Variants in FAM20C observed in about 807,000 individuals in gnomAD.
FAM20C encodes the protein extracellular serine/threonine protein kinase FAM20C.
A neutral mutation model predicts 51.5 loss-of-function variants in FAM20C; 40 were observed. That is an observed-to-expected ratio of 0.78 (90% CI 0.60 to 1.01). The LOEUF is 1.01. FAM20C is among the 50% of genes least tolerant of loss of function. The probability of loss-of-function intolerance (pLI) is 0.00; values close to 1 mark genes in which losing one functional copy is unlikely to be tolerated. For synonymous variants in FAM20C, 406 were observed against 380.6 expected (o/e 1.07, Z -0.78); for missense variants, 861 against 844.7 (o/e 1.02, Z -0.24).
intron 3 of FAM20C, among the ~76,000 whole-genome samples, chr7:218,683 G>C: frequency 6.6e-6 from 1 of 152,200 alleles, no homozygotes; most frequent in East Asian, 1.9e-4. Flanking sequence ...CCATCCCAGG[G>C]CTCACTCAGC....
At chr7:214,413 G>A (rs149947731) in intron 3 of FAM20C, among the ~76,000 whole-genome samples, 4 of 152,290 alleles carry the variant, frequency 2.6e-5, no homozygotes, top group Non-Finnish European at 4.4e-5. Flanking sequence ...ATTTTAGGAC[G>A]TCCAATTTAG....
chr7:216,528 C>T (rs1167501770), intron 3 of FAM20C, among the ~76,000 whole-genome samples: 1 of 151,872 alleles, frequency 6.6e-6, no homozygotes, highest in Non-Finnish European at 1.5e-5. Context: ...AGCTGGGAGC[C>T]CTGGTCCTTG....
chr7:195,544 C>A lies in FAM20C; in HGVS notation c.606-10C>A. 1 of 1,543,782 alleles carries A rather than the reference C, an allele frequency of 6.5e-7. No homozygotes were observed. Among genetic ancestry groups the A allele is most frequent in the Non-Finnish European group, 8.8e-7 (1 of 1,139,884 alleles). ...TCCATGCTGATGTTCGTCCTCGCTGCTCCCTGCAGGCCGCATGCGGGTGCT... is the reference window on the plus strand; with the variant it reads ...TCCATGCTGATGTTCGTCCTCGCTGATCCCTGCAGGCCGCATGCGGGTGCT... On this transcript the variant is annotated splice_polypyrimidine_tract_variant and intron_variant, in intron 1 of 9. Coordinates refer to ENST00000313766, the MANE Select transcript of FAM20C (RefSeq NM_020223.4).
intron 3 of FAM20C, among the ~76,000 whole-genome samples, chr7:222,387 C>T (rs1036720762): frequency 6.6e-6 from 1 of 152,074 alleles, no homozygotes; most frequent in African/African-American, 2.4e-5. Context: ...TCACCGTCAG[C>T]CCCCACTGTG....
At chr7:194,911 G>C (rs1583272280) in intron 1 of FAM20C, among the ~76,000 whole-genome samples, 2 of 152,222 alleles carry the variant, frequency 1.3e-5, no homozygotes, top group South Asian at 4.1e-4. Flanking sequence ...CCCTCCTCCA[G>C]AACGGTCCCT....
rs545511933 is a variant in FAM20C at position 255,373 on chromosome 7, G to A, written c.1073-476G>A. On this transcript the variant is annotated intron_variant, in intron 5 of 9. Transcript: ENST00000313766. ...CTCATGCTTGTCGGCCATCAGGGTC[G>A]TCTTTGGAGAATCAGCTGTTCAAGC... Among the ~76,000 whole-genome samples, 5 of 152,294 alleles carry A rather than the reference G, an allele frequency of 3.3e-5. No homozygotes were observed. In the East Asian group the frequency reaches 5.8e-4, roughly 18 times the overall value.
Position 256,886 on chromosome 7 carries a change from G to A in FAM20C, c.1364-119G>A. The A allele has an allele frequency of 2.8e-6, 4 of 1,415,542 alleles. No homozygotes were observed. The Admixed American group carries it at 5.9e-5, about 21-fold the overall frequency. 87.7% of individuals were successfully genotyped at this position (1,415,542 alleles called of 1,614,324 possible). ...CTGCGGTCCTGTGGCCTGTGAAGGG[G>A]CCAGATTGCTTAGAGGTCACGCTGG... On this transcript the variant is annotated intron_variant, in intron 7 of 9. Coordinates refer to ENST00000313766, the MANE Select transcript of FAM20C (RefSeq NM_020223.4).
chr7:237,838 G>GAGA (rs1787894744), intron 3 of FAM20C, among the ~76,000 whole-genome samples: 1 of 294 alleles, frequency 3.4e-3, no homozygotes, highest in African/African-American at 0.013. Context: ...AATAGTGATA[G>GAGA]TGATGATGNN....
intron 2 of FAM20C, among the ~76,000 whole-genome samples, chr7:205,474 G>A (rs73251074): frequency 6.6e-6 from 1 of 152,114 alleles, no homozygotes. Flanking sequence ...ACTCGGCCTC[G>A]AGCAAGCCTC....
intron 3 of FAM20C, among the ~76,000 whole-genome samples, chr7:240,343 TGTTGATA>T (rs1319630175): frequency 0.42 from 563 of 1,336 alleles, 86 homozygotes; most frequent in South Asian, 0.65. Flanking sequence ...ATGATTATGA[TGTTGATA>T]AAGGATGATA....
intron 5 of FAM20C, among the ~76,000 whole-genome samples, chr7:253,046 C>T (rs780660421): frequency 8.5e-5 from 13 of 152,338 alleles, no homozygotes; most frequent in East Asian, 1.9e-4. Flanking sequence ...TGCCATCATC[C>T]GCTTCGCCTT....
In FAM20C at chr7:246,554, C is replaced by T; in HGVS notation, c.956+47C>T. The T allele has an allele frequency of 2.5e-6, 3 of 1,221,646 alleles. No individual in the cohort carries two copies. The South Asian group carries it at 4.2e-5, about 17-fold the overall frequency. The allele number at this position is 1,221,646 out of a possible 1,614,324, so 75.7% of individuals were successfully genotyped here. Reference sequence around the variant, plus strand: ...CCATCCGCGCTCCCGTGCGCTCAGACCCACCGGTGAGTGAGGCCGTCCTGC... The same window carrying T: ...CCATCCGCGCTCCCGTGCGCTCAGATCCACCGGTGAGTGAGGCCGTCCTGC... On this transcript the variant is annotated intron_variant, in intron 4 of 9. Coordinates refer to ENST00000313766, the MANE Select transcript of FAM20C (RefSeq NM_020223.4).
At chr7:253,290 G>A (rs1161144165) in intron 5 of FAM20C, among the ~76,000 whole-genome samples, 23 of 152,182 alleles carry the variant, frequency 1.5e-4, no homozygotes, top group Admixed American at 1.4e-3. Flanking sequence ...CCTCCTGCTG[G>A]GTCAGCCCCG....
Position 260,142 on chromosome 7 carries a change from A to G in FAM20C, c.*162A>G. The G allele has an allele frequency of 3.0e-6, 3 of 995,596 alleles. No homozygotes were observed. The highest frequency in any genetic ancestry group is 4.1e-6 in the Non-Finnish European group (3 of 726,082). The allele number at this position is 995,596 out of a possible 1,614,324, so 61.7% of individuals were successfully genotyped here. A position where few individuals can be genotyped will look rare whatever the true frequency, so the allele number is the denominator to read the frequency against. On this transcript the variant is annotated 3_prime_UTR_variant, in exon 10 of 10. Coordinates refer to ENST00000313766, the MANE Select transcript of FAM20C (RefSeq NM_020223.4). ...GGCGAGGCTCCCCAGGTCTCATAGGACACATTTTGTCAGTGTTTGACCAGA... is the reference window on the plus strand; with the variant it reads ...GGCGAGGCTCCCCAGGTCTCATAGGGCACATTTTGTCAGTGTTTGACCAGA...
chr7:219,973 C>A (rs1023178817), intron 3 of FAM20C, among the ~76,000 whole-genome samples: 42 of 152,302 alleles, frequency 2.8e-4, no homozygotes, highest in African/African-American at 1.0e-3. Flanking sequence ...CAGACCTGGA[C>A]AAGGACCCCT....
At chr7:227,794 A>G (rs1049478123) in intron 3 of FAM20C, 4 of 152,328 alleles carry the variant, frequency 2.6e-5, no homozygotes, top group African/African-American at 9.6e-5. Flanking sequence ...TTGCTTTTGA[A>G]ATAAAGTCTA....
chr7:231,945 G>T (rs1787706131), intron 3 of FAM20C, among the ~76,000 whole-genome samples: 1 of 152,168 alleles, frequency 6.6e-6, no homozygotes, highest in Non-Finnish European at 1.5e-5. Context: ...TCCGGCCCCA[G>T]CACCCGCCCC....
chr7:195,839 T>TCG, intron 2 of FAM20C, 107 bp downstream of exon 2: 1 of 1,121,880 alleles, frequency 8.9e-7, no homozygotes, highest in Non-Finnish European at 1.1e-6. Context: ...CGTTGCTCAT[T>TCG]ACGGCAGCGT....
chr7:194,050 C>T (rs1256293574), intron 1 of FAM20C: 2 of 535,818 alleles, frequency 3.7e-6, no homozygotes, highest in Non-Finnish European at 6.1e-6. Context: ...AAGCCAGACC[C>T]CGCGCCCTTT....
Sources: allele counts gnomAD v4.1 joint callset (sites outside exome capture counted in the v4.1 genomes callset), GRCh38; gene constraint gnomAD v4.1.1; transcripts MANE v1.5; gene names NCBI Gene and HGNC (gene_info 2026-07-23, HGNC 2026-07-21).